Variants in HOOK3 observed in about 807,000 individuals in gnomAD.
The protein encoded by HOOK3 is protein Hook homolog 3.
A neutral mutation model predicts 116.3 loss-of-function variants in HOOK3; 24 were observed. The observed-to-expected ratio is 0.21, with a 90% CI of 0.15 to 0.29. The LOEUF is 0.29. Among genes scored for constraint, HOOK3 ranks in the 10% least tolerant of loss-of-function variants. The pLI, the probability that HOOK3 is intolerant of heterozygous loss-of-function variation, is 1.00. For missense variants in HOOK3, 632 were observed against 830.2 expected (o/e 0.76, Z 2.93); for synonymous variants, 275 against 283.0 (o/e 0.97, Z 0.28).
At chr8:43,000,324 T>A in intron 16 of HOOK3, 1 of 1,184,886 alleles carries the variant, frequency 8.4e-7, no homozygotes, top group Non-Finnish European at 1.1e-6. Flanking sequence ...AGTTTTTGGA[T>A]TTAGACTGCC....
intron 4 of HOOK3, among the ~76,000 whole-genome samples, chr8:42,932,723 A>G (rs1807896675): frequency 1.3e-5 from 2 of 152,218 alleles, no homozygotes; most frequent in Admixed American, 1.3e-4. Flanking sequence ...ATGCCCTTTT[A>G]GAAACCTAAT....
Position 43,007,866 on chromosome 8 carries a change from A to G in HOOK3, c.1675A>G (p.Asn559Asp), listed in dbSNP as rs373761757. The stretch of plus-strand genomic sequence containing the variant: ...TTACAGAGAGAAGCTGCATGAGGCC[A>G]ATAATGAACTACAGAAGAAGAGAGC... ...EEHLEKLHEANNELQKKRAII... is the reference protein window; with the variant it reads ...EEHLEKLHEADNELQKKRAII... Residue 559 changes from asparagine to aspartate, a missense_variant, in exon 18 of 22, where the codon AAT becomes GAT. Around this residue, in one of 3 missense-constraint regions of HOOK3, gnomAD observed 483 missense variants for 648.1 expected, o/e 0.75. Coordinates refer to ENST00000307602, the MANE Select transcript of HOOK3 (RefSeq NM_032410.4). The G allele has an allele frequency of 5.6e-6, 9 of 1,600,442 alleles. No homozygotes were observed. The African/African-American group carries it at 1.1e-4, about 19-fold the overall frequency.
At chr8:42,953,280 A>G (rs1808375098) in intron 6 of HOOK3, among the ~76,000 whole-genome samples, 1 of 151,564 alleles carries the variant, frequency 6.6e-6, no homozygotes, top group African/African-American at 2.4e-5. Flanking sequence ...AAAAAGTAAA[A>G]TACGGCCAGG....
rs531200065 is a variant in HOOK3 at position 42,906,513 on chromosome 8, A to G, written c.143+255A>G. On this transcript the variant is annotated intron_variant, in intron 2 of 21. Transcript: ENST00000307602. The stretch of plus-strand genomic sequence containing the variant: ...ATTTTTTGGCATATGCTTGGCAGAA[A>G]TTTTCTTGTTAGTGGCCAGATTTTG... Among the ~76,000 whole-genome samples, 3 of 152,058 alleles carry G rather than the reference A, an allele frequency of 2.0e-5. No homozygotes were observed. The South Asian group carries it at 6.2e-4, about 32-fold the overall frequency.
In HOOK3 at chr8:43,002,104, T is replaced by C. The variant is rs778341268; in HGVS notation, c.1621-3T>C. The C allele has an allele frequency of 2.5e-6, 4 of 1,570,596 alleles. No homozygotes were observed. The African/African-American group carries it at 5.4e-5, about 21-fold the overall frequency. ...ATAAACTAATTTTGTTTTTCATTTTTAGTCAGTCCTTCTAAAAAAGAAGCT... is the reference window on the plus strand; with the variant it reads ...ATAAACTAATTTTGTTTTTCATTTTCAGTCAGTCCTTCTAAAAAAGAAGCT... On this transcript the variant is annotated splice_polypyrimidine_tract_variant and splice_region_variant and intron_variant, in intron 16 of 21. Coordinates refer to ENST00000307602, the MANE Select transcript of HOOK3 (RefSeq NM_032410.4).
chr8:42,991,738 G>A (rs777020490), intron 15 of HOOK3, among the ~76,000 whole-genome samples: 1 of 151,958 alleles, frequency 6.6e-6, no homozygotes, highest in Non-Finnish European at 1.5e-5. Flanking sequence ...GACATACTGA[G>A]TACTTTGTTT....
At chr8:42,935,269 C>G (rs1807945882) in intron 4 of HOOK3, among the ~76,000 whole-genome samples, 1 of 151,192 alleles carries the variant, frequency 6.6e-6, no homozygotes, top group African/African-American at 2.4e-5. Context: ...TGTTTAAGTT[C>G]CTTGTGGATT....
chr8:42,952,187 C>T (rs1012675965), intron 6 of HOOK3, among the ~76,000 whole-genome samples: 1 of 152,336 alleles, frequency 6.6e-6, no homozygotes, highest in East Asian at 1.9e-4. Flanking sequence ...AGGATTCCCA[C>T]TATCCTTGTA....
intron 8 of HOOK3, among the ~76,000 whole-genome samples, chr8:42,960,223 A>T (rs184290121): frequency 6.6e-6 from 1 of 152,248 alleles, no homozygotes; most frequent in Non-Finnish European, 1.5e-5. Flanking sequence ...TTACAAATAC[A>T]ATTTTATCAT....
intron 2 of HOOK3, among the ~76,000 whole-genome samples, chr8:42,910,424 A>G (rs894382919): frequency 2.6e-5 from 4 of 152,040 alleles, no homozygotes; most frequent in East Asian, 1.9e-4. Flanking sequence ...ATAATTTTGC[A>G]TATATGTTTT....
intron 17 of HOOK3, among the ~76,000 whole-genome samples, chr8:43,007,368 C>T (rs1809513575): frequency 6.6e-6 from 1 of 152,188 alleles, no homozygotes; most frequent in South Asian, 2.1e-4. Flanking sequence ...TCACCTTCCA[C>T]TCATTTTAAC....
At chr8:42,972,396 A>G (rs111924268) in intron 11 of HOOK3, among the ~76,000 whole-genome samples, 1 of 152,114 alleles carries the variant, frequency 6.6e-6, no homozygotes, top group Non-Finnish European at 1.5e-5. Context: ...CAAACTTCCA[A>G]GTTACCCCTT....
At chr8:42,952,039 A>G (rs946809270) in intron 6 of HOOK3, among the ~76,000 whole-genome samples, 6 of 152,218 alleles carry the variant, frequency 3.9e-5, no homozygotes, top group Non-Finnish European at 7.3e-5. Context: ...GACTTCTGAC[A>G]CCAACTACCC....
At chr8:42,957,032 A>G (rs1563300711) in intron 6 of HOOK3, 62 bp from the exon 7 acceptor site, 7 of 845,396 alleles carry the variant, frequency 8.3e-6, no homozygotes, top group Non-Finnish European at 1.3e-5. Flanking sequence ...TCTTATGTTA[A>G]GTATTTTATG....
chr8:43,002,166 G>A (rs779212750), intron 17 of HOOK3, 25 bp downstream of exon 17: 2 of 1,568,386 alleles, frequency 1.3e-6, no homozygotes, highest in South Asian at 1.1e-5. Flanking sequence ...TGTTGAGGCT[G>A]ATTCTTCTAT....
At chr8:42,934,914 G>C (rs1415000236) in intron 4 of HOOK3, among the ~76,000 whole-genome samples, 1 of 152,132 alleles carries the variant, frequency 6.6e-6, no homozygotes, top group Non-Finnish European at 1.5e-5. Flanking sequence ...CCCAGTAATG[G>C]GATTGCTGGG....
intron 3 of HOOK3, 80 bp from the exon 4 acceptor site, chr8:42,930,042 T>A: frequency 3.1e-6 from 4 of 1,292,896 alleles, no homozygotes; most frequent in Non-Finnish European, 4.2e-6. Context: ...AGTGATTGGT[T>A]GGCTCAGAAA....
At chr8:43,005,437 T>A (rs1157622500) in intron 17 of HOOK3, among the ~76,000 whole-genome samples, 1 of 151,654 alleles carries the variant, frequency 6.6e-6, no homozygotes, top group Admixed American at 6.6e-5. Context: ...TTAGCCAGGA[T>A]GGGCTTGATC....
intron 2 of HOOK3, among the ~76,000 whole-genome samples, chr8:42,919,263 A>AC (rs533946993): frequency 0.016 from 2,456 of 148,906 alleles, 70 homozygotes; most frequent in African/African-American, 0.06. Flanking sequence ...CTCACTTCTC[A>AC]GACGGGGCGG....
Sources: allele counts gnomAD v4.1 joint callset (sites outside exome capture counted in the v4.1 genomes callset), GRCh38; gene constraint gnomAD v4.1.1; regional missense constraint gnomAD v4.1.1; transcripts MANE v1.5; gene names NCBI Gene and HGNC (gene_info 2026-07-23, HGNC 2026-07-21).